The following CNTNAP5 variants were observed in gnomAD, a reference collection of about 807,000 sequenced individuals.
CNTNAP5 encodes contactin associated protein family member 5, also known as contactin-associated protein-like 5.
CNTNAP5 carries 72 observed loss-of-function variants against 150.2 expected under a neutral mutation model. That is an observed-to-expected ratio of 0.48 (90% confidence interval 0.40 to 0.58). The LOEUF is 0.58. Among genes scored for constraint, CNTNAP5 ranks in the 20% least tolerant of loss-of-function variants. The pLI is 0.00. For synonymous variants in CNTNAP5, 672 were observed against 619.8 expected, an observed-to-expected ratio of 1.08 and a Z score of -1.25; for missense variants, 1,636 against 1,626.2, an observed-to-expected ratio of 1.01 and a Z score of -0.10.
intron 13 of CNTNAP5, among the ~76,000 whole-genome samples, chr2:124,734,280 A>G (rs1415236667): frequency 2.6e-5 from 4 of 152,064 alleles, no homozygotes; most frequent in African/African-American, 7.2e-5. Context: ...GAGAGAATGA[A>G]GAGAGGAAAA....
chr2:124,722,583 G>A (rs2105117716), intron 13 of CNTNAP5, among the ~76,000 whole-genome samples: 1 of 152,224 alleles, frequency 6.6e-6, no homozygotes, highest in South Asian at 2.1e-4. Flanking sequence ...TAGGTATGGT[G>A]GCCTTATATT....
chr2:124,149,058 G>A (rs967426553), intron 1 of CNTNAP5, among the ~76,000 whole-genome samples: 1 of 152,048 alleles, frequency 6.6e-6, no homozygotes, highest in Non-Finnish European at 1.5e-5. Flanking sequence ...ATGATCAGCA[G>A]CTGTTCTTTT....
At chr2:124,406,108 T>C (rs564292013) in intron 3 of CNTNAP5, among the ~76,000 whole-genome samples, 1 of 152,354 alleles carries the variant, frequency 6.6e-6, no homozygotes, top group South Asian at 2.1e-4. Flanking sequence ...TACATAAAAC[T>C]GTGTTGATTA....
intron 21 of CNTNAP5, among the ~76,000 whole-genome samples, chr2:124,872,051 T>C (rs973400920): frequency 6.6e-6 from 1 of 152,118 alleles, no homozygotes; most frequent in Admixed American, 6.6e-5. Context: ...TCTTGCATTC[T>C]GGGCAATTCA....
intron 1 of CNTNAP5, among the ~76,000 whole-genome samples, chr2:124,213,409 G>A (rs1686071000): frequency 6.6e-6 from 1 of 152,164 alleles, no homozygotes; most frequent in Admixed American, 6.5e-5. Context: ...GTGGAAAACT[G>A]AGAGATCATC....
chr2:124,180,040 G>A (rs531940558), intron 1 of CNTNAP5, among the ~76,000 whole-genome samples: 1 of 152,226 alleles, frequency 6.6e-6, no homozygotes, highest in African/African-American at 2.4e-5. Flanking sequence ...ATGAAAAGAT[G>A]TGATTTAAGA....
At chr2:124,752,978 TCTC>T (rs1411348533) in intron 14 of CNTNAP5, among the ~76,000 whole-genome samples, 1 of 152,208 alleles carries the variant, frequency 6.6e-6, no homozygotes, top group Non-Finnish European at 1.5e-5. Context: ...TGAAGAGTCT[TCTC>T]ATCCAAACAA....
chr2:124,080,410 C>G (rs1682533279), intron 1 of CNTNAP5, among the ~76,000 whole-genome samples: 2 of 152,162 alleles, frequency 1.3e-5, no homozygotes, highest in South Asian at 4.1e-4. Flanking sequence ...TTGCCATAAA[C>G]TAAGACAGGA....
At chr2:124,311,342 A>AGTGAG (rs1688825306) in intron 3 of CNTNAP5, among the ~76,000 whole-genome samples, 1 of 152,140 alleles carries the variant, frequency 6.6e-6, no homozygotes, top group South Asian at 2.1e-4. Context: ...CTCTCTTTCT[A>AGTGAG]GCTTGCAGAC....
intron 3 of CNTNAP5, among the ~76,000 whole-genome samples, chr2:124,381,320 C>G (rs1258829630): frequency 6.6e-6 from 1 of 152,082 alleles, no homozygotes; most frequent in East Asian, 1.9e-4. Flanking sequence ...CTATTAGAAC[C>G]AGTACACCAG....
At chr2:124,723,109 A>G (rs1680080364) in intron 13 of CNTNAP5, among the ~76,000 whole-genome samples, 1 of 152,154 alleles carries the variant, frequency 6.6e-6, no homozygotes, top group Non-Finnish European at 1.5e-5. Flanking sequence ...TACTTTTACA[A>G]ATCATGAAGT....
At chr2:124,619,405 G>A (rs189157845) in intron 12 of CNTNAP5, among the ~76,000 whole-genome samples, 97 of 152,284 alleles carry the variant, frequency 6.4e-4, no homozygotes, top group African/African-American at 2.3e-3. Context: ...GAACACCTGA[G>A]GTGGCTGTAT....
At chr2:124,708,079 A>G (rs1679730468) in intron 13 of CNTNAP5, among the ~76,000 whole-genome samples, 1 of 152,210 alleles carries the variant, frequency 6.6e-6, no homozygotes, top group East Asian at 1.9e-4. Context: ...GAGTATTTAC[A>G]ACTAGGCTTA....
chr2:124,033,649 G>A (rs144056482), intron 1 of CNTNAP5, among the ~76,000 whole-genome samples: 1 of 151,626 alleles, frequency 6.6e-6, no homozygotes, highest in East Asian at 2.0e-4. Flanking sequence ...GAAACTTCCA[G>A]ACAAGACCTG....
In CNTNAP5 at chr2:124,374,638, G is replaced by A. The variant is rs1485297525; in HGVS notation, c.382-42805G>A. On this transcript the variant is annotated intron_variant, in intron 3 of 23. Transcript: ENST00000682447. ...GATGATCTGTGAGTGCCTAGCAGGC[G>A]ACATGCTCATCACTACAAGTTAGTA... Among the ~76,000 whole-genome samples, 6 of 152,224 alleles carry A rather than the reference G, an allele frequency of 3.9e-5. No individual in the cohort carries two copies. In the South Asian group the frequency reaches 6.2e-4, roughly 16 times the overall value.
chr2:124,736,641 G>C (rs1202400642), intron 13 of CNTNAP5, among the ~76,000 whole-genome samples: 1 of 152,164 alleles, frequency 6.6e-6, no homozygotes, highest in Non-Finnish European at 1.5e-5. Context: ...TTTTGGAGAT[G>C]TGACTAAAAT....
chr2:124,853,605 T>G (rs950972326), intron 19 of CNTNAP5, among the ~76,000 whole-genome samples: 1 of 152,320 alleles, frequency 6.6e-6, no homozygotes, highest in African/African-American at 2.4e-5. Context: ...TCTATCTTGC[T>G]TCTACAAAAC....
At chr2:124,187,895 A>T (rs1300807820) in intron 1 of CNTNAP5, among the ~76,000 whole-genome samples, 1 of 152,180 alleles carries the variant, frequency 6.6e-6, no homozygotes, top group African/African-American at 2.4e-5. Context: ...AAACATATTG[A>T]CTCAGCACCT....
intron 2 of CNTNAP5, among the ~76,000 whole-genome samples, chr2:124,233,950 TG>T (rs1435155769): frequency 2.0e-5 from 3 of 151,970 alleles, no homozygotes; most frequent in Non-Finnish European, 1.5e-5. Context: ...AAAAGAAAAT[TG>T]CTCCAAGAAT....
Sources: gnomAD v4.1 joint callset for allele counts (sites outside exome capture counted in the v4.1 genomes callset) on GRCh38, gnomAD v4.1.1 for gene constraint, MANE v1.5 for transcripts, NCBI Gene and HGNC (gene_info 2026-07-23, HGNC 2026-07-21) for gene names.